ITSN1: variants seen among roughly 807,000 people sequenced by gnomAD.
ITSN1 encodes the protein intersectin-1.
A neutral mutation model predicts 239.8 loss-of-function variants in ITSN1; 58 were observed. The observed-to-expected ratio is 0.24, with a 90% CI of 0.20 to 0.30. The LOEUF (loss-of-function observed/expected upper bound fraction) is 0.30. Among genes scored for constraint, ITSN1 ranks in the 10% least tolerant of loss-of-function variants. The pLI, the probability that ITSN1 is intolerant of heterozygous loss-of-function variation, is 1.00. For synonymous variants in ITSN1, 780 were observed against 770.8 expected (o/e 1.01, Z -0.20); for missense variants, 1,558 against 2,103.3 (o/e 0.74, Z 5.07).
chr21:33,690,741 A>C (rs2146649345), intron 1 of ITSN1, among the ~76,000 whole-genome samples: 2 of 121,940 alleles, frequency 1.6e-5, no homozygotes. Context: ...AGCCTGGGCA[A>C]CAGAGCAAGG....
chr21:33,642,694 C>T lies in ITSN1; in HGVS notation c.-52C>T. The T allele has an allele frequency of 6.5e-6, 1 of 152,824 alleles. No homozygotes were observed. The highest frequency in any genetic ancestry group is 1.5e-5 in the Non-Finnish European group (1 of 68,244). The allele number at this position is 152,824 out of a possible 1,614,324, so 9.5% of individuals were successfully genotyped here. A position where few individuals can be genotyped will look rare whatever the true frequency, so the allele number is the denominator to read the frequency against. ...CTGATTTGTCCCTGGGGCGGCAGCGCGGACCCGCCCGGAGATGAGGTGAGG... is the reference window on the plus strand; with the variant it reads ...CTGATTTGTCCCTGGGGCGGCAGCGTGGACCCGCCCGGAGATGAGGTGAGG... On this transcript the variant is annotated 5_prime_UTR_variant, in exon 1 of 40. Transcript: ENST00000381318.
At chr21:33,861,838 C>T (rs571962718) in intron 31 of ITSN1, among the ~76,000 whole-genome samples, 3 of 151,540 alleles carry the variant, frequency 2.0e-5, no homozygotes, top group Non-Finnish European at 4.4e-5. Flanking sequence ...CCCAGCTACT[C>T]GGGAGGCTGA....
At chr21:33,740,867 C>G (rs1184011655) in intron 5 of ITSN1, among the ~76,000 whole-genome samples, 1 of 151,952 alleles carries the variant, frequency 6.6e-6, no homozygotes, top group Non-Finnish European at 1.5e-5. Flanking sequence ...TAGTTCAGGA[C>G]CAGCCTGGGC....
At chr21:33,700,625 T>TTGACACCC (rs2091966513) in intron 1 of ITSN1, among the ~76,000 whole-genome samples, 5 of 152,158 alleles carry the variant, frequency 3.3e-5, no homozygotes, top group Non-Finnish European at 7.4e-5. Context: ...AGGTTCTTAA[T>TTGACACCC]TACTGACACC....
intron 29 of ITSN1, chr21:33,838,155 T>C: frequency 1.0e-6 from 1 of 985,474 alleles, no homozygotes; most frequent in South Asian, 4.7e-5. Flanking sequence ...TAAACACTAG[T>C]TGGAAGCTCT....
chr21:33,795,215 C>T (rs2071445899), intron 17 of ITSN1, among the ~76,000 whole-genome samples: 1 of 152,134 alleles, frequency 6.6e-6, no homozygotes, highest in African/African-American at 2.4e-5. Context: ...CTTTGGGAGG[C>T]CGAGGTGGGC....
intron 8 of ITSN1, 28 bp from the exon 9 acceptor site, chr21:33,761,895 G>C: frequency 6.3e-7 from 1 of 1,579,218 alleles, no homozygotes; most frequent in Non-Finnish European, 8.7e-7. Context: ...TGACTCATCT[G>C]TATGTCCTTT....
At chr21:33,795,912 ATATGGTGACCTT>A (rs1307475625) in intron 17 of ITSN1, among the ~76,000 whole-genome samples, 2 of 150,406 alleles carry the variant, frequency 1.3e-5, no homozygotes, top group African/African-American at 4.9e-5. Flanking sequence ...TATACAGTAT[ATATGGTGACCTT>A]CATTGGTAGA....
intron 4 of ITSN1, among the ~76,000 whole-genome samples, chr21:33,732,372 T>A (rs1425239724): frequency 6.6e-6 from 1 of 152,146 alleles, no homozygotes; most frequent in Admixed American, 6.5e-5. Context: ...GAACTAGTTT[T>A]TCAGGTTAAT....
In ITSN1 at chr21:33,748,206, C is replaced by T. The variant is rs1415437889; in HGVS notation, c.347-1937C>T. Among the ~76,000 whole-genome samples, 5 of 152,094 alleles carry T rather than the reference C, an allele frequency of 3.3e-5. No homozygotes were observed. In the South Asian group the frequency reaches 8.3e-4, roughly 25 times the overall value. On this transcript the variant is annotated intron_variant, in intron 5 of 39. Coordinates refer to ENST00000381318, the MANE Select transcript of ITSN1 (RefSeq NM_003024.3). ...TTTTGGATGCATACAGTGGCTCAGCCCTGTAATCCCAGCACCGTGAGAGGC... is the reference window on the plus strand; with the variant it reads ...TTTTGGATGCATACAGTGGCTCAGCTCTGTAATCCCAGCACCGTGAGAGGC...
At chr21:33,718,907 A>C in intron 2 of ITSN1, 51 bp downstream of exon 2, 1 of 1,414,608 alleles carries the variant, frequency 7.1e-7, no homozygotes, top group African/African-American at 1.4e-5. Flanking sequence ...CCAGATTTTA[A>C]AAACTTGATA....
intron 11 of ITSN1, 100 bp downstream of exon 11, chr21:33,767,928 T>G (rs1233320456): frequency 7.6e-5 from 48 of 632,730 alleles, no homozygotes; most frequent in Non-Finnish European, 1.3e-4. Context: ...AATTTAGTTT[T>G]TGACATTTTT....
At position 33,882,040 on chromosome 21, in the gene ITSN1, A is replaced by G. The variant is rs1198757795; in HGVS notation, c.4342-203A>G. ...GGAAAAGCCTTAGAAATTACCATTG[A>G]GACTCTTCTTGATACTTGGAATCCC... On this transcript the variant is annotated intron_variant, in intron 34 of 39. Transcript: ENST00000381318. The surrounding 1 kb of genome is among the most constrained non-coding windows in gnomAD (Gnocchi z 4.5). 6.6e-6 allele frequency among the ~76,000 whole-genome samples: 1 copy of G among 151,992 alleles called. No homozygotes were observed. The highest frequency in any genetic ancestry group is 1.5e-5 in the Non-Finnish European group (1 of 68,018).
intron 4 of ITSN1, 55 bp from the exon 5 acceptor site, chr21:33,734,989 T>C: frequency 6.6e-7 from 1 of 1,510,808 alleles, no homozygotes; most frequent in Non-Finnish European, 8.9e-7. Context: ...GTGGTGGTTT[T>C]GGAAAGGTTC....
intron 18 of ITSN1, among the ~76,000 whole-genome samples, chr21:33,798,969 A>G (rs1406559310): frequency 6.6e-6 from 1 of 152,116 alleles, no homozygotes; most frequent in Non-Finnish European, 1.5e-5. Context: ...TAAGATGAGG[A>G]TTTATTTTTC....
chr21:33,719,098 G>T (rs1010025632), intron 2 of ITSN1, among the ~76,000 whole-genome samples: 1 of 152,114 alleles, frequency 6.6e-6, no homozygotes, highest in African/African-American at 2.4e-5. Context: ...TAAAAGATAA[G>T]AAAACGTTTA....
At chr21:33,671,865 T>C in intron 1 of ITSN1, among the ~76,000 whole-genome samples, 1 of 152,206 alleles carries the variant, frequency 6.6e-6, no homozygotes, top group African/African-American at 2.4e-5. Context: ...GTGTTAATAT[T>C]TTGTTGTATA....
chr21:33,673,908 AC>A (rs896365783), intron 1 of ITSN1, among the ~76,000 whole-genome samples: 11 of 152,250 alleles, frequency 7.2e-5, no homozygotes, highest in Non-Finnish European at 1.5e-4. Flanking sequence ...AAACTTCTGT[AC>A]ATCTTGCCCC....
chr21:33,642,688 G>A lies in ITSN1; in HGVS notation c.-58G>A, dbSNP rs537040239. 2 of 152,880 alleles carry A rather than the reference G, an allele frequency of 1.3e-5. No homozygotes were observed. Among genetic ancestry groups the A allele is most frequent in the Admixed American group, 6.5e-5 (1 of 15,306 alleles). The allele number at this position is 152,880 out of a possible 1,614,324, so 9.5% of individuals were successfully genotyped here. A position where few individuals can be genotyped will look rare whatever the true frequency, so the allele number is the denominator to read the frequency against. The stretch of plus-strand genomic sequence containing the variant: ...GCGGCACTGATTTGTCCCTGGGGCG[G>A]CAGCGCGGACCCGCCCGGAGATGAG... On this transcript the variant is annotated 5_prime_UTR_variant, in exon 1 of 40. Transcript: ENST00000381318.
Sources: allele counts gnomAD v4.1 joint callset (sites outside exome capture counted in the v4.1 genomes callset), GRCh38; gene constraint gnomAD v4.1.1; non-coding constraint Gnocchi (gnomAD v3.1); transcripts MANE v1.5; gene names NCBI Gene and HGNC (gene_info 2026-07-23, HGNC 2026-07-21).